The following CLYBL variants were observed in gnomAD, a reference collection of about 807,000 sequenced individuals.
The protein encoded by CLYBL is citramalyl-CoA lyase, also known as citramalyl-CoA lyase, mitochondrial.
In CLYBL, 31 loss-of-function variants were observed where a neutral mutation model predicts 38.9. That is an observed-to-expected ratio of 0.80 (90% CI 0.60 to 1.08). The LOEUF is 1.08. Ranked by LOEUF, CLYBL falls within the 50% of genes least tolerant of loss-of-function variation. The pLI is 0.00. For missense variants in CLYBL, 434 were observed against 411.6 expected (o/e 1.05, Z -0.47); for synonymous variants, 171 against 158.6 (o/e 1.08, Z -0.59).
chr13:99,683,567 G>A (rs141731186), intron 1 of CLYBL, among the ~76,000 whole-genome samples: 118 of 151,496 alleles, frequency 7.8e-4, no homozygotes, highest in African/African-American at 2.4e-3. Context: ...CATTAGCCTA[G>A]GCCTACACAG....
chr13:99,866,972 G>A (rs995789023), intron 6 of CLYBL, among the ~76,000 whole-genome samples: 3 of 152,148 alleles, frequency 2.0e-5, no homozygotes, highest in African/African-American at 7.2e-5. Context: ...GGATCAGCGG[G>A]TCCCTTGCAG....
At chr13:99,854,788 A>G (rs2051418851) in intron 2 of CLYBL, among the ~76,000 whole-genome samples, 1 of 152,210 alleles carries the variant, frequency 6.6e-6, no homozygotes, top group Non-Finnish European at 1.5e-5. Flanking sequence ...TTACGTCACC[A>G]GAGCGTGTCT....
chr13:99,628,183 T>C (rs925275477), intron 1 of CLYBL, among the ~76,000 whole-genome samples: 1 of 152,200 alleles, frequency 6.6e-6, no homozygotes. Context: ...TTTAATATTT[T>C]CCACTAGTTA....
intron 2 of CLYBL, among the ~76,000 whole-genome samples, chr13:99,845,733 T>TC (rs1485094844): frequency 6.6e-6 from 1 of 152,066 alleles, no homozygotes; most frequent in African/African-American, 2.4e-5. Flanking sequence ...AGAAGCCACC[T>TC]CCCGGGGGCC....
At chr13:99,682,630 T>A (rs995875570) in intron 1 of CLYBL, among the ~76,000 whole-genome samples, 1 of 152,190 alleles carries the variant, frequency 6.6e-6, no homozygotes, top group Non-Finnish European at 1.5e-5. Context: ...AGGACATTAC[T>A]GTCACTACTG....
chr13:99,724,376 A>G (rs1448985688), intron 1 of CLYBL, among the ~76,000 whole-genome samples: 2 of 152,156 alleles, frequency 1.3e-5, no homozygotes, highest in Non-Finnish European at 2.9e-5. Flanking sequence ...AATCTTGCAT[A>G]TTAAACCGAA....
chr13:99,743,274 C>T (rs376175485), intron 1 of CLYBL, among the ~76,000 whole-genome samples: 4 of 152,210 alleles, frequency 2.6e-5, no homozygotes, highest in Non-Finnish European at 2.9e-5. Context: ...ATTGTAACCG[C>T]GAATGATGGG....
intron 2 of CLYBL, among the ~76,000 whole-genome samples, chr13:99,799,026 A>C (rs2050077707): frequency 6.6e-6 from 1 of 152,224 alleles, no homozygotes; most frequent in African/African-American, 2.4e-5. Flanking sequence ...GGGATATTAC[A>C]TGCTTTTCTC....
At chr13:99,871,982 C>G (rs1193093077) in intron 7 of CLYBL, among the ~76,000 whole-genome samples, 1 of 139,778 alleles carries the variant, frequency 7.2e-6, no homozygotes, top group Non-Finnish European at 1.5e-5. Flanking sequence ...ATTAAACATT[C>G]CCCCCTGCAA....
In CLYBL at chr13:99,655,958, A is replaced by G. The variant is rs545377299; in HGVS notation, c.62+49201A>G. 4.6e-5 allele frequency among the ~76,000 whole-genome samples: 7 copies of G among 152,326 alleles called. No homozygotes were observed. The South Asian group carries it at 1.5e-3, about 32-fold the overall frequency. On this transcript the variant is annotated intron_variant, in intron 1 of 8. Coordinates refer to ENST00000339105, the MANE Select transcript of CLYBL (RefSeq NM_206808.5). ...GCACTTTTCATTTAGTCTGGTTCGCAGGTGCGGTCAAGACGATTCCTTATT... is the reference window on the plus strand; with the variant it reads ...GCACTTTTCATTTAGTCTGGTTCGCGGGTGCGGTCAAGACGATTCCTTATT...
chr13:99,846,728 G>C (rs2051214831), intron 2 of CLYBL, among the ~76,000 whole-genome samples: 1 of 152,200 alleles, frequency 6.6e-6, no homozygotes, highest in Non-Finnish European at 1.5e-5. Flanking sequence ...CTTGTCATTA[G>C]ACATTTATAC....
intron 1 of CLYBL, among the ~76,000 whole-genome samples, chr13:99,645,386 T>C (rs1158675207): frequency 6.6e-6 from 1 of 150,848 alleles, no homozygotes; most frequent in East Asian, 2.0e-4. Flanking sequence ...TAGTCCCAGC[T>C]ACTTGGGAGG....
At chr13:99,680,869 C>T (rs1348420360) in intron 1 of CLYBL, among the ~76,000 whole-genome samples, 1 of 152,130 alleles carries the variant, frequency 6.6e-6, no homozygotes, top group Non-Finnish European at 1.5e-5. Context: ...AGACATGGAC[C>T]CAATAAACAA....
At chr13:99,708,493 G>A (rs1370970627) in intron 1 of CLYBL, among the ~76,000 whole-genome samples, 2 of 152,152 alleles carry the variant, frequency 1.3e-5, no homozygotes, top group Non-Finnish European at 2.9e-5. Context: ...TAGCCCCTTG[G>A]ACCCATGAGG....
At chr13:99,815,868 G>C (rs1215620193) in intron 2 of CLYBL, among the ~76,000 whole-genome samples, 1 of 152,074 alleles carries the variant, frequency 6.6e-6, no homozygotes, top group Non-Finnish European at 1.5e-5. Context: ...CGGGGAGTGA[G>C]AGCCTGTCTC....
At chr13:99,608,663 T>TC (rs2046571588) in intron 1 of CLYBL, among the ~76,000 whole-genome samples, 1 of 152,078 alleles carries the variant, frequency 6.6e-6, no homozygotes, top group African/African-American at 2.4e-5. Flanking sequence ...AACTCAGTGC[T>TC]CCTCACCCGC....
chr13:99,748,777 C>T (rs2048903193), intron 1 of CLYBL, among the ~76,000 whole-genome samples: 2 of 152,002 alleles, frequency 1.3e-5, no homozygotes, highest in Non-Finnish European at 2.9e-5. Context: ...ACTGTAGGCA[C>T]CTCATGGAAG....
At chr13:99,756,532 T>A (rs1200242223) in intron 1 of CLYBL, among the ~76,000 whole-genome samples, 1 of 152,230 alleles carries the variant, frequency 6.6e-6, no homozygotes, top group East Asian at 1.9e-4. Context: ...GGGCTACATG[T>A]GGCCCAGGAC....
intron 1 of CLYBL, among the ~76,000 whole-genome samples, chr13:99,727,701 A>T (rs560379278): frequency 3.8e-4 from 58 of 152,208 alleles, no homozygotes; most frequent in African/African-American, 1.3e-3. Context: ...ATGGGAGTAA[A>T]CACTATGCAG....
Sources: gnomAD v4.1 joint callset for allele counts (sites outside exome capture counted in the v4.1 genomes callset) on GRCh38, gnomAD v4.1.1 for gene constraint, MANE v1.5 for transcripts, NCBI Gene and HGNC (gene_info 2026-07-23, HGNC 2026-07-21) for gene names.